The following TMEM92 variants were observed in gnomAD, a reference collection of about 807,000 sequenced individuals.
TMEM92 encodes transmembrane protein 92.
TMEM92 carries 15 observed loss-of-function variants against 14.6 expected under a neutral mutation model. The ratio of observed to expected loss-of-function variants is 1.03; its 90% CI spans 0.69 to 1.58. TMEM92 has a LOEUF of 1.58. Among genes scored for constraint, TMEM92 ranks in the 40% most tolerant of loss-of-function variants. TMEM92 has a pLI of 0.00. For synonymous variants in TMEM92, 85 were observed against 83.3 expected (o/e 1.02, Z -0.11); for missense variants, 174 against 202.4 (o/e 0.86, Z 0.85).
In TMEM92 at chr17:50,279,994, T is replaced by G. The variant is rs1910565436; in HGVS notation, c.*686T>G. ...AGGCTTGTTCTAGATGTATTGGCTGTCTGTTTTTTGATGTCTCTGTGTGCC... is the reference window on the plus strand; with the variant it reads ...AGGCTTGTTCTAGATGTATTGGCTGGCTGTTTTTTGATGTCTCTGTGTGCC... On this transcript the variant is annotated 3_prime_UTR_variant, in exon 5 of 5. Transcript: ENST00000507382. The G allele has an allele frequency of 6.6e-6, 1 of 152,336 alleles. No homozygotes were observed. Among genetic ancestry groups the G allele is most frequent in the African/African-American group, 2.4e-5 (1 of 41,442 alleles). 9.4% of individuals were successfully genotyped at this position (152,336 alleles called of 1,614,324 possible).
chr17:50,274,312 C>T, upstream of TMEM92: 1 of 612,334 alleles, frequency 1.6e-6, no homozygotes, highest in Non-Finnish European at 2.9e-6. Context: ...TCCCAAATCC[C>T]AAAACCCAAC....
At chr17:50,275,996 T>TG (rs887169284) in intron 1 of TMEM92, among the ~76,000 whole-genome samples, 23 of 151,958 alleles carry the variant, frequency 1.5e-4, no homozygotes, top group African/African-American at 4.8e-4. Context: ...CCAGGCATGG[T>TG]GGCACGTGCC....
At chr17:50,276,826 A>G (rs1337165872) in intron 1 of TMEM92, among the ~76,000 whole-genome samples, 1 of 152,266 alleles carries the variant, frequency 6.6e-6, no homozygotes, top group East Asian at 1.9e-4. Context: ...AGGACAATTA[A>G]CAAGATAAAG....
Position 50,278,955 on chromosome 17 carries a change from G to A in TMEM92, c.325G>A (p.Val109Ile), listed in dbSNP as rs755158398. The change falls in exon 4 of 5, where the codon GTC becomes ATC. Residue 109 changes from valine to isoleucine, a missense_variant. Coordinates refer to ENST00000507382, the MANE Select transcript of TMEM92 (RefSeq NM_153229.3). ...GCCCTCCATCATCCCCCCAGAGAGG[G>A]TCAGAGTATCCCTTTCTGCGCCCCC... The part of the protein sequence containing the change: ...ELPSIIPPER[V>I]RVSLSAPPPP... 6.2e-7 allele frequency: 1 copy of A among 1,612,840 alleles called. No homozygotes were observed. The highest frequency in any genetic ancestry group is 8.5e-7 in the Non-Finnish European group (1 of 1,179,430).
upstream of TMEM92, among the ~76,000 whole-genome samples, chr17:50,272,641 G>A (rs1477998219): frequency 1.3e-5 from 2 of 152,152 alleles, no homozygotes; most frequent in Non-Finnish European, 2.9e-5. Flanking sequence ...AATACCCCTC[G>A]GATCAGGAGA....
In TMEM92 at chr17:50,280,490, C is replaced by G. The variant is rs1164977592; in HGVS notation, c.*1182C>G. On this transcript the variant is annotated 3_prime_UTR_variant, in exon 5 of 5. Transcript: ENST00000507382. ...GGGACAATGCCAATGCCTTGGGACT[C>G]AGACAGGGCTGAGTGCCTCCACCCT... The G allele has an allele frequency of 2.0e-5, 3 of 152,316 alleles. No homozygotes were observed. In the South Asian group the frequency reaches 6.2e-4, roughly 31 times the overall value. The allele number at this position is 152,316 out of a possible 1,614,324, so 9.4% of individuals were successfully genotyped here.
chr17:50,277,959 G>A (rs575943228), intron 2 of TMEM92, among the ~76,000 whole-genome samples: 53 of 152,180 alleles, frequency 3.5e-4, no homozygotes, highest in Admixed American at 9.8e-4. Flanking sequence ...AGGCAGGTCT[G>A]TAGCTGGATC....
intron 1 of TMEM92, among the ~76,000 whole-genome samples, chr17:50,275,383 C>T (rs1016265584): frequency 2.6e-4 from 39 of 152,226 alleles, no homozygotes; most frequent in African/African-American, 8.9e-4. Flanking sequence ...AAAACCCTTC[C>T]GTGGACCCGG....
upstream of TMEM92, among the ~76,000 whole-genome samples, chr17:50,272,397 G>A (rs934562269): frequency 1.3e-5 from 2 of 152,206 alleles, no homozygotes; most frequent in African/African-American, 4.8e-5. Context: ...AGCCTGGGCA[G>A]GATAGCAGGG....
At position 50,274,531 on chromosome 17, in the gene TMEM92, G is replaced by T; in HGVS notation, c.30G>T (p.Ala10=). 1 of 1,613,940 alleles carries T rather than the reference G, an allele frequency of 6.2e-7. No homozygotes were observed. Among genetic ancestry groups the T allele is most frequent in the Non-Finnish European group, 8.5e-7 (1 of 1,179,930 alleles). The change falls in exon 1 of 5, where the codon GCG becomes GCT. Residue 10 remains alanine (A), a synonymous_variant. Transcript: ENST00000507382. MSQAWVPGL[A]PTLLFSLLAG... ...CCCAAGCTTGGGTCCCCGGCCTCGC[G>T]CCCACCTTGCTGTTCAGCCTGCTGG...
At chr17:50,274,439 A>G (rs2143038067), upstream of TMEM92, 1 of 1,573,656 alleles carries the variant, frequency 6.4e-7, no homozygotes, top group Non-Finnish European at 8.7e-7. Context: ...AGGTGGAGAG[A>G]AGTGGGAGAG....
At chr17:50,273,040 G>A (rs1910301286), upstream of TMEM92, among the ~76,000 whole-genome samples, 1 of 152,136 alleles carries the variant, frequency 6.6e-6, no homozygotes, top group Non-Finnish European at 1.5e-5. Context: ...GTGAGAGGCA[G>A]AGAGCAAGGA....
chr17:50,275,906 G>A (rs895853894), intron 1 of TMEM92, among the ~76,000 whole-genome samples: 21 of 152,174 alleles, frequency 1.4e-4, no homozygotes, highest in Admixed American at 5.9e-4. Context: ...TTGAGAGGCC[G>A]AGGCAGGCAG....
At position 50,278,796 on chromosome 17, in the gene TMEM92, C is replaced by T; in HGVS notation, c.171-5C>T. 6.2e-7 allele frequency: 1 copy of T among 1,606,444 alleles called. No individual in the cohort carries two copies. The highest frequency in any genetic ancestry group is 8.5e-7 in the Non-Finnish European group (1 of 1,176,428). On this transcript the variant is annotated splice_region_variant and splice_polypyrimidine_tract_variant and intron_variant, in intron 3 of 4. Transcript: ENST00000507382. Reference sequence around the variant, plus strand: ...TCAGGGTACTCTTGGTGGTCCCCACCCCAGGATCTTCGTCATCATCTTCCT... The same window carrying T: ...TCAGGGTACTCTTGGTGGTCCCCACTCCAGGATCTTCGTCATCATCTTCCT...
At chr17:50,277,593 A>G (rs1001855821) in intron 1 of TMEM92, 122 bp from the exon 2 acceptor site, 2 of 1,157,556 alleles carry the variant, frequency 1.7e-6, no homozygotes, top group African/African-American at 3.0e-5. Flanking sequence ...GCTTGCAGGA[A>G]GAGGCTGAGT....
chr17:50,277,672 C>T (rs1360491214), intron 1 of TMEM92, 43 bp from the exon 2 acceptor site: 1 of 1,613,466 alleles, frequency 6.2e-7, no homozygotes, highest in East Asian at 2.2e-5. Flanking sequence ...CCCACTATCC[C>T]CAGTTTATGA....
chr17:50,277,874 C>T, intron 2 of TMEM92, 134 bp downstream of exon 2: 7 of 1,137,372 alleles, frequency 6.2e-6, no homozygotes, highest in Non-Finnish European at 9.0e-6. Flanking sequence ...AGAAACTGTC[C>T]CCCCACTTTC....
Position 50,274,590 on chromosome 17 carries a change from T to C in TMEM92, c.69+20T>C. On this transcript the variant is annotated intron_variant, in intron 1 of 4. Coordinates refer to ENST00000507382, the MANE Select transcript of TMEM92 (RefSeq NM_153229.3). Reference sequence around the variant, plus strand: ...CAAAAGGTGAGACTGGGAGGTAAGGTTGTTGAACTTTTGGGCCCTACCCTT... The same window carrying C: ...CAAAAGGTGAGACTGGGAGGTAAGGCTGTTGAACTTTTGGGCCCTACCCTT... 1 of 1,608,648 alleles carries C rather than the reference T, an allele frequency of 6.2e-7. No individual in the cohort carries two copies. The highest frequency in any genetic ancestry group is 8.5e-7 in the Non-Finnish European group (1 of 1,177,320).
upstream of TMEM92, chr17:50,274,322 C>T: frequency 4.7e-6 from 3 of 639,924 alleles, no homozygotes; most frequent in Admixed American, 2.8e-5. Context: ...CAAAACCCAA[C>T]CCAGACCTCT....
Sources: gnomAD v4.1 joint callset for allele counts (sites outside exome capture counted in the v4.1 genomes callset) on GRCh38, gnomAD v4.1.1 for gene constraint, MANE v1.5 for transcripts, NCBI Gene and HGNC (gene_info 2026-07-23, HGNC 2026-07-21) for gene names.